Variants in CACNG2 observed in about 807,000 individuals in gnomAD.
CACNG2 encodes voltage-dependent calcium channel gamma-2 subunit.
A neutral mutation model predicts 25.9 loss-of-function variants in CACNG2; 3 were observed. That is an observed-to-expected ratio of 0.12 (90% CI 0.05 to 0.30). CACNG2 has a LOEUF of 0.30. Among genes scored for constraint, CACNG2 ranks in the 10% least tolerant of loss-of-function variants. CACNG2 has a pLI of 1.00. For synonymous variants in CACNG2, 167 were observed against 173.3 expected, an observed-to-expected ratio of 0.96 and a Z score of 0.29; for missense variants, 341 against 432.5, an observed-to-expected ratio of 0.79 and a Z score of 1.88.
intron 1 of CACNG2, among the ~76,000 whole-genome samples, chr22:36,671,517 G>A (rs538353076): frequency 3.7e-4 from 56 of 152,294 alleles, no homozygotes; most frequent in Admixed American, 2.2e-3. Context: ...ATGCTCCACC[G>A]CACAAGCCGA....
At chr22:36,648,327 G>C (rs1936558694) in intron 1 of CACNG2, among the ~76,000 whole-genome samples, 1 of 152,216 alleles carries the variant, frequency 6.6e-6, no homozygotes. Context: ...GCAACAGAAA[G>C]AGTAATATCG....
intron 1 of CACNG2, among the ~76,000 whole-genome samples, chr22:36,588,986 C>CT (rs11381245): frequency 0.48 from 62,446 of 128,918 alleles, 14,433 homozygotes; most frequent in East Asian, 0.58. Flanking sequence ...TTACATATAC[C>CT]TTTTTTTTTT....
intron 1 of CACNG2, among the ~76,000 whole-genome samples, chr22:36,640,091 G>A (rs1277555782): frequency 6.6e-6 from 1 of 152,102 alleles, no homozygotes; most frequent in African/African-American, 2.4e-5. Context: ...CCAAGAGTAG[G>A]GACTCTGGGA....
At position 36,679,163 on chromosome 22, in the gene CACNG2, TTCCTTCC is replaced by T. The variant is rs1430532542; in HGVS notation, c.211+23196_211+23202del. 9.1e-5 allele frequency among the ~76,000 whole-genome samples: 10 copies of T among 110,370 alleles called. No homozygotes were observed. The East Asian group carries it at 2.3e-3, about 26-fold the overall frequency. The allele number at this position is 110,370 out of a possible 152,430, so 72.4% of individuals were successfully genotyped here. On this transcript the variant is annotated intron_variant, in intron 1 of 3. Coordinates refer to ENST00000300105, the MANE Select transcript of CACNG2 (RefSeq NM_006078.5). ...CTTCCTTCCTTCCTTCCTTCCTTCC[TTCCTTCC>T]TTCCTTCCTTCCTTCCTTCCTTCCT...
chr22:36,649,692 G>A (rs1197691496), intron 1 of CACNG2, among the ~76,000 whole-genome samples: 1 of 152,176 alleles, frequency 6.6e-6, no homozygotes, highest in Non-Finnish European at 1.5e-5. Context: ...AGGACCCAGT[G>A]GGAGGTAACT....
At position 36,564,761 on chromosome 22, in the gene CACNG2, T is replaced by C. The variant is rs1454406445; in HGVS notation, c.562A>G (p.Ile188Val). 9 of 1,614,198 alleles carry C rather than the reference T, an allele frequency of 5.6e-6. No individual in the cohort carries two copies. Among genetic ancestry groups the C allele is most frequent in the Non-Finnish European group, 7.6e-6 (9 of 1,180,028 alleles). The change falls in exon 4 of 4, where the codon ATC becomes GTC. Residue 188 changes from isoleucine (I) to valine (V), a missense_variant. By Grantham distance (29) the Ile-to-Val change is conservative. This residue lies in a region of CACNG2 where 169 missense variants were observed against 254.4 expected (regional missense o/e 0.66). Coordinates refer to ENST00000300105, the MANE Select transcript of CACNG2 (RefSeq NM_006078.5). This position sits in a 1 kb window ranked among gnomAD's most constrained non-coding sequence, Gnocchi z 6.7. ...WSFYFGALSFIIAEMVGVLAV... is the reference protein window; with the variant it reads ...WSFYFGALSFVIAEMVGVLAV... ...AGCACCCCGACCATCTCGGCGATGA[T>C]GAAGGACAGGGCCCCGAAGTAGAAG...
chr22:36,681,255 G>A lies in CACNG2; in HGVS notation c.211+21111C>T, dbSNP rs118066220. Among the ~76,000 whole-genome samples, 273 of 152,268 alleles carry A rather than the reference G, an allele frequency of 1.8e-3. 1 individual carries two copies. The highest frequency in any genetic ancestry group is 3.3e-3 in the Non-Finnish European group (227 of 68,026). On this transcript the variant is annotated intron_variant, in intron 1 of 3. Transcript: ENST00000300105. Reference sequence around the variant, plus strand: ...TTAGGGCCTAAAAGTAACTGATGCAGCACCTTAGAATATAGAGAATGCTTC... The same window carrying A: ...TTAGGGCCTAAAAGTAACTGATGCAACACCTTAGAATATAGAGAATGCTTC...
chr22:36,621,224 T>C (rs1603501840), intron 1 of CACNG2, among the ~76,000 whole-genome samples: 3 of 152,262 alleles, frequency 2.0e-5, no homozygotes, highest in East Asian at 3.9e-4. Context: ...AAAACAAAGA[T>C]TGGCCGGGTG....
At chr22:36,651,028 C>A (rs968922233) in intron 1 of CACNG2, among the ~76,000 whole-genome samples, 1 of 152,140 alleles carries the variant, frequency 6.6e-6, no homozygotes, top group Non-Finnish European at 1.5e-5. Flanking sequence ...TTGCAAACTT[C>A]TCTTCCTAGA....
At chr22:36,585,349 A>C (rs1040891168) in intron 2 of CACNG2, 1 of 152,118 alleles carries the variant, frequency 6.6e-6, no homozygotes, top group Non-Finnish European at 1.5e-5. Flanking sequence ...GGGGCAGGGG[A>C]TCCTTCTAGA....
chr22:36,602,530 C>G (rs1006529580), intron 1 of CACNG2, among the ~76,000 whole-genome samples: 1 of 152,078 alleles, frequency 6.6e-6, no homozygotes, highest in African/African-American at 2.4e-5. Context: ...GGATTACAGG[C>G]ACCCGCCACC....
At chr22:36,671,791 G>A (rs1936954605) in intron 1 of CACNG2, among the ~76,000 whole-genome samples, 1 of 152,166 alleles carries the variant, frequency 6.6e-6, no homozygotes, top group African/African-American at 2.4e-5. Flanking sequence ...CTCGATCTCT[G>A]TGGCAGAGCT....
intron 1 of CACNG2, among the ~76,000 whole-genome samples, chr22:36,646,410 C>T (rs1378690470): frequency 6.6e-6 from 1 of 152,132 alleles, no homozygotes; most frequent in Non-Finnish European, 1.5e-5. Flanking sequence ...TGATGAAATC[C>T]GAATTAGAAA....
In CACNG2 at chr22:36,564,357, G is replaced by T; in HGVS notation, c.966C>A (p.Pro322=). ...HSNTANRRTT[P]V is the part of the protein sequence containing the mutation. Reference sequence around the variant, plus strand: ...CTGGCGAGGCCCGCGGTCTTTATACGGGGGTGGTCCGGCGGTTGGCTGTGT... The same window carrying T: ...CTGGCGAGGCCCGCGGTCTTTATACTGGGGTGGTCCGGCGGTTGGCTGTGT... Residue 322 remains proline (P), a synonymous_variant, in exon 4 of 4, where the codon CCC becomes CCA. Coordinates refer to ENST00000300105, the MANE Select transcript of CACNG2 (RefSeq NM_006078.5). The surrounding 1 kb of genome is among the most constrained non-coding windows in gnomAD (Gnocchi z 6.7). 6.2e-7 allele frequency: 1 copy of T among 1,613,286 alleles called. No homozygotes were observed. Among genetic ancestry groups the T allele is most frequent in the Non-Finnish European group, 8.5e-7 (1 of 1,179,660 alleles).
intron 1 of CACNG2, among the ~76,000 whole-genome samples, chr22:36,615,859 G>A (rs1936014585): frequency 6.6e-6 from 1 of 152,132 alleles, no homozygotes; most frequent in Admixed American, 6.5e-5. Context: ...AAAAAATTGT[G>A]TTAGTTAAAA....
chr22:36,684,797 T>C (rs1937174579), intron 1 of CACNG2, among the ~76,000 whole-genome samples: 1 of 152,162 alleles, frequency 6.6e-6, no homozygotes, highest in African/African-American at 2.4e-5. Flanking sequence ...TGTGTGTGCA[T>C]GTGGTGGACA....
chr22:36,631,841 A>T (rs1936277818), intron 1 of CACNG2, among the ~76,000 whole-genome samples: 1 of 151,708 alleles, frequency 6.6e-6, no homozygotes, highest in African/African-American at 2.4e-5. Context: ...AACCAGATGG[A>T]TCTTCCAGCA....
intron 2 of CACNG2, among the ~76,000 whole-genome samples, chr22:36,578,349 C>A (rs1935360050): frequency 9.1e-6 from 1 of 110,182 alleles, no homozygotes. Flanking sequence ...CAGAGCGAGA[C>A]TCAATCTCAA....
intron 1 of CACNG2, among the ~76,000 whole-genome samples, chr22:36,635,014 T>C (rs903479570): frequency 6.6e-6 from 1 of 152,168 alleles, no homozygotes; most frequent in Non-Finnish European, 1.5e-5. Flanking sequence ...CCAGGCGCAG[T>C]GGCTCACGCC....
Sources: allele counts gnomAD v4.1 joint callset (sites outside exome capture counted in the v4.1 genomes callset), GRCh38; gene constraint gnomAD v4.1.1; regional missense constraint gnomAD v4.1.1; non-coding constraint Gnocchi (gnomAD v3.1); transcripts MANE v1.5; gene names NCBI Gene and HGNC (gene_info 2026-07-23, HGNC 2026-07-21).